Variants in FGF12 observed in about 807,000 individuals in gnomAD.
The protein encoded by FGF12 is fibroblast growth factor 12.
Under a neutral mutation model 23.6 loss-of-function variants are expected in FGF12, and 14 were observed. The observed-to-expected ratio is 0.59, with a 90% confidence interval of 0.39 to 0.93. The LOEUF is 0.93. FGF12 is among the 40% of genes least tolerant of loss of function. The probability of loss-of-function intolerance (pLI) is 0.00; values close to 1 mark genes in which losing one functional copy is unlikely to be tolerated. For missense variants in FGF12, 175 were observed against 217.8 expected, an observed-to-expected ratio of 0.80 and a Z score of 1.24; for synonymous variants, 62 against 77.3, an observed-to-expected ratio of 0.80 and a Z score of 1.04.
chr3:192,154,645 C>G lies in FGF12; in HGVS notation c.428-10518G>C, dbSNP rs1487158757. Reference sequence around the variant, plus strand: ...CTGCTCGGGGGTCAGGGGTCAGGGACCCACTTGAGGAGGTAGTCTGCCCGT... The same window carrying G: ...CTGCTCGGGGGTCAGGGGTCAGGGAGCCACTTGAGGAGGTAGTCTGCCCGT... On this transcript the variant is annotated intron_variant, in intron 5 of 5. Transcript: ENST00000445105. Among the ~76,000 whole-genome samples, 3 of 148,276 alleles carry G rather than the reference C, an allele frequency of 2.0e-5. No homozygotes were observed. The Admixed American group carries it at 2.0e-4, about 10-fold the overall frequency.
intron 2 of FGF12, among the ~76,000 whole-genome samples, chr3:192,676,991 T>C (rs13084047): frequency 0.046 from 7,030 of 152,270 alleles, 209 homozygotes; most frequent in Middle Eastern, 0.085. Context: ...ACGAATTCGG[T>C]GAGTTTGAGA....
chr3:192,461,583 C>T (rs1722862457), intron 2 of FGF12, among the ~76,000 whole-genome samples: 1 of 152,162 alleles, frequency 6.6e-6, no homozygotes, highest in Admixed American at 6.5e-5. Flanking sequence ...TTTATGTTCT[C>T]ATTCCTACAA....
chr3:192,422,633 C>T (rs1457810648), intron 2 of FGF12, among the ~76,000 whole-genome samples: 2 of 152,138 alleles, frequency 1.3e-5, no homozygotes, highest in Non-Finnish European at 2.9e-5. Context: ...TTACCAGGAA[C>T]TGGTCTAAGC....
intron 2 of FGF12, among the ~76,000 whole-genome samples, chr3:192,425,974 T>C (rs1448900244): frequency 6.6e-6 from 1 of 152,214 alleles, no homozygotes; most frequent in Non-Finnish European, 1.5e-5. Flanking sequence ...GAGACAAAGC[T>C]CCAAGAGATC....
chr3:192,218,787 C>T (rs1489232543), intron 4 of FGF12, among the ~76,000 whole-genome samples: 1 of 152,208 alleles, frequency 6.6e-6, no homozygotes, highest in Non-Finnish European at 1.5e-5. Context: ...AGAGGAAGAG[C>T]ATTTTAAAAT....
intron 2 of FGF12, among the ~76,000 whole-genome samples, chr3:192,686,361 G>A (rs538328961): frequency 3.9e-5 from 6 of 152,210 alleles, no homozygotes; most frequent in African/African-American, 7.2e-5. Flanking sequence ...CTGAAATGTA[G>A]GCTTGTATGA....
chr3:192,409,063 G>A lies in FGF12; in HGVS notation c.14-48525C>T, dbSNP rs1223444207. On this transcript the variant is annotated intron_variant, in intron 2 of 5. Coordinates refer to ENST00000445105, the MANE Select transcript of FGF12 (RefSeq NM_004113.6). This position sits in a 1 kb window ranked among gnomAD's most constrained non-coding sequence, Gnocchi z 4.8. Reference sequence around the variant, plus strand: ...GCCAGCAGCACTGCAAAGAGAGCGGGAGGCGAGGGAGGGGGGAGGGCGCGA... The same window carrying A: ...GCCAGCAGCACTGCAAAGAGAGCGGAAGGCGAGGGAGGGGGGAGGGCGCGA... 2 of 947,064 alleles carry A rather than the reference G, an allele frequency of 2.1e-6. No homozygotes were observed. The highest frequency in any genetic ancestry group is 2.5e-6 in the Non-Finnish European group (2 of 795,800). The allele number at this position is 947,064 out of a possible 1,614,324, so 58.7% of individuals were successfully genotyped here.
intron 2 of FGF12, among the ~76,000 whole-genome samples, chr3:192,576,932 T>C (rs1018594235): frequency 1.3e-5 from 2 of 152,132 alleles, no homozygotes; most frequent in Non-Finnish European, 2.9e-5. Flanking sequence ...CTGGTAACCA[T>C]CATTCTTGGC....
intron 4 of FGF12, among the ~76,000 whole-genome samples, chr3:192,323,648 A>G (rs538064289): frequency 6.6e-6 from 1 of 152,376 alleles, no homozygotes; most frequent in African/African-American, 2.4e-5. Flanking sequence ...TGATAGCCCA[A>G]CACAGTGAAC....
intron 3 of FGF12, among the ~76,000 whole-genome samples, chr3:192,346,001 A>G (rs372271655): frequency 1.1e-4 from 16 of 151,412 alleles, no homozygotes; most frequent in Middle Eastern, 3.4e-3. Context: ...GATCTATAGA[A>G]ATAAACATAA....
chr3:192,664,241 A>G (rs186244959), intron 2 of FGF12, among the ~76,000 whole-genome samples: 3 of 152,324 alleles, frequency 2.0e-5, no homozygotes, highest in Non-Finnish European at 2.9e-5. Context: ...ATAATCCAAC[A>G]AAGTTACCAC....
At chr3:192,255,729 C>T (rs1712341166) in intron 4 of FGF12, among the ~76,000 whole-genome samples, 2 of 151,928 alleles carry the variant, frequency 1.3e-5, no homozygotes, top group African/African-American at 2.4e-5. Flanking sequence ...TTTCTCATGT[C>T]GGACCCCCAA....
At chr3:192,402,812 A>T (rs1720817080) in intron 2 of FGF12, among the ~76,000 whole-genome samples, 1 of 152,230 alleles carries the variant, frequency 6.6e-6, no homozygotes, top group African/African-American at 2.4e-5. Context: ...TTTGCATCTA[A>T]GCCTTCTCCC....
chr3:192,508,249 C>CA (rs1157813175), intron 2 of FGF12, among the ~76,000 whole-genome samples: 2 of 152,008 alleles, frequency 1.3e-5, no homozygotes, highest in African/African-American at 4.8e-5. Context: ...GAGATTGTCT[C>CA]AAAAAAAGTC....
At chr3:192,230,250 T>C (rs1718953533) in intron 4 of FGF12, among the ~76,000 whole-genome samples, 1 of 152,330 alleles carries the variant, frequency 6.6e-6, no homozygotes, top group South Asian at 2.1e-4. Flanking sequence ...ATCCCAATTA[T>C]GTGATGTGAA....
chr3:192,558,767 T>C (rs190112100), intron 2 of FGF12, among the ~76,000 whole-genome samples: 6 of 151,892 alleles, frequency 4.0e-5, no homozygotes, highest in Non-Finnish European at 5.9e-5. Flanking sequence ...ATCAATGGAA[T>C]AGAATAAAGA....
At chr3:192,235,213 T>C (rs1719224114) in intron 4 of FGF12, among the ~76,000 whole-genome samples, 1 of 152,204 alleles carries the variant, frequency 6.6e-6, no homozygotes, top group Admixed American at 6.5e-5. Context: ...CTGATTCAAT[T>C]TCAGAACTCG....
intron 2 of FGF12, among the ~76,000 whole-genome samples, chr3:192,680,269 A>G (rs368588521): frequency 5.9e-5 from 9 of 152,318 alleles, no homozygotes; most frequent in East Asian, 3.9e-4. Flanking sequence ...GGGAATGATT[A>G]GAAGATTAAT....
At chr3:192,173,766 A>G (rs150121466) in intron 4 of FGF12, among the ~76,000 whole-genome samples, 1 of 152,316 alleles carries the variant, frequency 6.6e-6, no homozygotes, top group African/African-American at 2.4e-5. Context: ...AGTTAGGAAA[A>G]AAATAATTCC....
Sources: allele counts gnomAD v4.1 joint callset (sites outside exome capture counted in the v4.1 genomes callset), GRCh38; gene constraint gnomAD v4.1.1; non-coding constraint Gnocchi (gnomAD v3.1); transcripts MANE v1.5; gene names NCBI Gene and HGNC (gene_info 2026-07-23, HGNC 2026-07-21).